SPATS2L: variants seen among roughly 807,000 people sequenced by gnomAD.
SPATS2L encodes the protein SPATS2-like protein.
A neutral mutation model predicts 59.6 loss-of-function variants in SPATS2L; 30 were observed. The observed-to-expected ratio is 0.50, with a 90% confidence interval of 0.38 to 0.68. The LOEUF (loss-of-function observed/expected upper bound fraction) is 0.68. Among genes scored for constraint, SPATS2L ranks in the 30% least tolerant of loss-of-function variants. The pLI, the probability that SPATS2L is intolerant of heterozygous loss-of-function variation, is 0.00. For missense variants in SPATS2L, 615 were observed against 700.0 expected, an observed-to-expected ratio of 0.88 and a Z score of 1.37; for synonymous variants, 252 against 263.5, an observed-to-expected ratio of 0.96 and a Z score of 0.42.
In SPATS2L at chr2:200,470,006, C is replaced by T. The variant is rs765628436; in HGVS notation, c.1050C>T (p.Leu350=). ...DIEQLKAQIM[L]CGEITHPKNN... ...AACAGCTGAAGGCCCAAATCATGCT[C>T]TGCGGAGAAAGTGAGTTTTGCATAT... Residue 350 remains leucine, a synonymous_variant, in exon 11 of 13, where the codon CTC becomes CTT. Transcript: ENST00000409140. 3 of 1,608,318 alleles carry T rather than the reference C, an allele frequency of 1.9e-6. No homozygotes were observed. Among genetic ancestry groups the T allele is most frequent in the Admixed American group, 3.4e-5 (2 of 59,198 alleles).
chr2:200,316,744 T>C (rs560258726), intron 1 of SPATS2L, among the ~76,000 whole-genome samples: 124 of 152,336 alleles, frequency 8.1e-4, no homozygotes, highest in African/African-American at 2.9e-3. Flanking sequence ...CTCCAAGCCT[T>C]CTTGGGACAG....
At chr2:200,307,817 T>G (rs2079077630) in intron 1 of SPATS2L, among the ~76,000 whole-genome samples, 2 of 152,230 alleles carry the variant, frequency 1.3e-5, no homozygotes, top group South Asian at 4.1e-4. Flanking sequence ...CCCCCCGCAA[T>G]CCTGGTTTTA....
intron 8 of SPATS2L, among the ~76,000 whole-genome samples, chr2:200,455,808 G>A (rs1318721): frequency 0.42 from 63,765 of 151,864 alleles, 14,242 homozygotes; most frequent in Non-Finnish European, 0.49. Context: ...CCACCCATAC[G>A]TGTCTGTCTC....
At chr2:200,333,122 C>CA (rs869055044) in intron 2 of SPATS2L, among the ~76,000 whole-genome samples, 2,573 of 145,224 alleles carry the variant, frequency 0.018, 75 homozygotes, top group African/African-American at 0.06. Context: ...TCTACAAATA[C>CA]AAAAAAAAAA....
At chr2:200,467,504 C>T (rs2086679597) in intron 10 of SPATS2L, 105 bp downstream of exon 10, 9 of 747,490 alleles carry the variant, frequency 1.2e-5, no homozygotes, top group Non-Finnish European at 2.1e-5. Context: ...CTAACATGTA[C>T]ACCCAGCTCT....
intron 2 of SPATS2L, among the ~76,000 whole-genome samples, chr2:200,382,217 AAC>A (rs1236595106): frequency 6.6e-6 from 1 of 151,948 alleles, no homozygotes; most frequent in African/African-American, 2.4e-5. Context: ...TGGGACTACA[AAC>A]ACACGCCATC....
intron 8 of SPATS2L, among the ~76,000 whole-genome samples, chr2:200,458,822 G>A (rs1203966474): frequency 6.6e-6 from 1 of 152,020 alleles, no homozygotes; most frequent in Non-Finnish European, 1.5e-5. Flanking sequence ...ATGTTTTATA[G>A]ATGCTATAGT....
At chr2:200,452,895 A>T (rs1181283853) in intron 8 of SPATS2L, among the ~76,000 whole-genome samples, 1 of 39,244 alleles carries the variant, frequency 2.5e-5, no homozygotes, top group Non-Finnish European at 5.9e-5. Context: ...CTGCATTTAA[A>T]AAAAAAAAAA....
chr2:200,436,487 G>C (rs1465334118), intron 6 of SPATS2L, among the ~76,000 whole-genome samples: 1 of 148,328 alleles, frequency 6.7e-6, no homozygotes, highest in Non-Finnish European at 1.5e-5. Context: ...CAGCTTTTGA[G>C]GACCTAAAAA....
At chr2:200,308,950 A>G (rs2079110975) in intron 1 of SPATS2L, 2 of 692,064 alleles carry the variant, frequency 2.9e-6, no homozygotes, top group Admixed American at 4.4e-5. Context: ...TCCTGAGGCC[A>G]TTGTGGAGAG....
At chr2:200,410,165 G>A (rs1212732114) in intron 3 of SPATS2L, among the ~76,000 whole-genome samples, 1 of 151,804 alleles carries the variant, frequency 6.6e-6, no homozygotes, top group Non-Finnish European at 1.5e-5. Flanking sequence ...TGATGGTGAT[G>A]ATTAAGAAAT....
At chr2:200,327,170 G>A (rs1444252591) in intron 1 of SPATS2L, among the ~76,000 whole-genome samples, 21 of 151,928 alleles carry the variant, frequency 1.4e-4, no homozygotes, top group African/African-American at 4.1e-4. Flanking sequence ...TTGGGAGGCC[G>A]AGGAGGGCAG....
chr2:200,417,623 A>G (rs1001848403), intron 5 of SPATS2L, among the ~76,000 whole-genome samples: 5 of 152,170 alleles, frequency 3.3e-5, no homozygotes, highest in South Asian at 2.1e-4. Flanking sequence ...AGTAGATGTG[A>G]GGCTTGAGAG....
At chr2:200,407,813 T>C (rs1302446432) in intron 3 of SPATS2L, among the ~76,000 whole-genome samples, 3 of 152,342 alleles carry the variant, frequency 2.0e-5, no homozygotes, top group Non-Finnish European at 4.4e-5. Context: ...GAGTGGTAGA[T>C]GCAGAGTGCT....
intron 1 of SPATS2L, among the ~76,000 whole-genome samples, chr2:200,312,249 G>A (rs2079215793): frequency 6.6e-6 from 1 of 152,204 alleles, no homozygotes; most frequent in Non-Finnish European, 1.5e-5. Context: ...ACTGAAGGTT[G>A]ACACTTTCAC....
At chr2:200,387,688 A>G (rs966078354) in intron 2 of SPATS2L, among the ~76,000 whole-genome samples, 3 of 152,174 alleles carry the variant, frequency 2.0e-5, no homozygotes, top group Admixed American at 6.5e-5. Flanking sequence ...AGGTGGGTAC[A>G]CTCTTTATAA....
intron 6 of SPATS2L, among the ~76,000 whole-genome samples, chr2:200,424,632 C>T (rs940998155): frequency 6.6e-6 from 1 of 152,208 alleles, no homozygotes; most frequent in Non-Finnish European, 1.5e-5. Context: ...CCCTATGCTT[C>T]CTGAGGCTCA....
intron 6 of SPATS2L, among the ~76,000 whole-genome samples, chr2:200,420,491 A>G (rs971493809): frequency 1.3e-5 from 2 of 152,226 alleles, no homozygotes; most frequent in African/African-American, 2.4e-5. Context: ...TACATTTGAC[A>G]TGTACAGTAA....
At chr2:200,316,632 T>G (rs2079388453) in intron 1 of SPATS2L, among the ~76,000 whole-genome samples, 1 of 152,216 alleles carries the variant, frequency 6.6e-6, no homozygotes, top group South Asian at 2.1e-4. Context: ...AAGTTTTCAC[T>G]TTTGTACTGG....
Sources: gnomAD v4.1 joint callset for allele counts (sites outside exome capture counted in the v4.1 genomes callset) on GRCh38, gnomAD v4.1.1 for gene constraint, MANE v1.5 for transcripts, NCBI Gene and HGNC (gene_info 2026-07-23, HGNC 2026-07-21) for gene names.